Variants in PGD observed in about 807,000 individuals in gnomAD.
The protein encoded by PGD is 6-phosphogluconate dehydrogenase, decarboxylating.
In PGD, 21 loss-of-function variants were observed where a neutral mutation model predicts 60.4. That is an observed-to-expected ratio of 0.35 (90% CI 0.25 to 0.50). The LOEUF is 0.50. Ranked by LOEUF, PGD falls within the 20% of genes least tolerant of loss-of-function variation. PGD has a pLI of 0.98. For missense variants in PGD, 477 were observed against 613.1 expected, an observed-to-expected ratio of 0.78 and a Z score of 2.34; for synonymous variants, 230 against 235.9, an observed-to-expected ratio of 0.97 and a Z score of 0.23.
chr1:10,413,059 T>C lies in PGD; in HGVS notation c.655-3T>C, dbSNP rs527375275. 6.2e-7 allele frequency: 1 copy of C among 1,613,148 alleles called. No individual in the cohort carries two copies. The highest frequency in any genetic ancestry group is 1.1e-5 in the South Asian group (1 of 91,068). On this transcript the variant is annotated splice_polypyrimidine_tract_variant and splice_region_variant and intron_variant, in intron 7 of 12. Coordinates refer to ENST00000270776, the MANE Select transcript of PGD (RefSeq NM_002631.4). ...ATGGTTCTCTCCTGTGTTCTGCATGTAGGCCTTTGAGGATTGGAATAAGAC... is the reference window on the plus strand; with the variant it reads ...ATGGTTCTCTCCTGTGTTCTGCATGCAGGCCTTTGAGGATTGGAATAAGAC...
chr1:10,400,712 G>T, intron 3 of PGD, 140 bp downstream of exon 3: 1 of 653,180 alleles, frequency 1.5e-6, no homozygotes. Flanking sequence ...CTTAACTGTT[G>T]CAGTGTTGGT....
intron 7 of PGD, among the ~76,000 whole-genome samples, chr1:10,412,245 T>G (rs1639512442): frequency 6.6e-6 from 1 of 152,210 alleles, no homozygotes; most frequent in Non-Finnish European, 1.5e-5. Context: ...TCACCCGCCA[T>G]TTTTTGGAGG....
intron 8 of PGD, 88 bp downstream of exon 8, chr1:10,413,339 T>C (rs1224519500): frequency 1.7e-6 from 2 of 1,192,022 alleles, no homozygotes; most frequent in South Asian, 1.4e-5. Flanking sequence ...CTTTAGAGAA[T>C]CTCTTCAGCC....
chr1:10,410,844 TTATAAA>T lies in PGD; in HGVS notation c.520-550_520-545del, dbSNP rs564899684. On this transcript the variant is annotated intron_variant, in intron 6 of 12. Transcript: ENST00000270776. Reference sequence around the variant, plus strand: ...TTATAAATAAAGATCTGGTCTTTATTTATAAATATAAATATAAATATAAATATAATG... The same window carrying T: ...TTATAAATAAAGATCTGGTCTTTATTTATAAATATAAATATAAATATAATG... 5.7e-3 allele frequency among the ~76,000 whole-genome samples: 870 copies of T among 151,550 alleles called. 9 individuals carry two copies. Among genetic ancestry groups the T allele is most frequent in the African/African-American group, 0.018 (753 of 41,326 alleles).
rs1639654055 is a variant in PGD, at chr1:10,419,560, T to G, written c.1332+21T>G. On this transcript the variant is annotated intron_variant, in intron 12 of 12. Coordinates refer to ENST00000270776, the MANE Select transcript of PGD (RefSeq NM_002631.4). ...TCCAGGTAAGCCTGTGGAGCAGGGATTAACCTGGCTGGCCCCTCGGGGGCG... is the reference window on the plus strand; with the variant it reads ...TCCAGGTAAGCCTGTGGAGCAGGGAGTAACCTGGCTGGCCCCTCGGGGGCG... The G allele has an allele frequency of 7.4e-6, 12 of 1,614,070 alleles. No individual in the cohort carries two copies. The East Asian group carries it at 2.7e-4, about 36-fold the overall frequency.
chr1:10,399,237 G>C (rs888493227), intron 1 of PGD, 112 bp downstream of exon 1: 6 of 1,255,522 alleles, frequency 4.8e-6, no homozygotes, highest in Non-Finnish European at 6.8e-6. Context: ...GGTCGCCTGA[G>C]CTCACTTGGG....
Position 10,399,668 on chromosome 1 carries a change from G to A in PGD, c.48G>A (p.Gln16=). 6.2e-7 allele frequency: 1 copy of A among 1,614,086 alleles called. No homozygotes were observed. The highest frequency in any genetic ancestry group is 8.5e-7 in the Non-Finnish European group (1 of 1,179,990). The change falls in exon 2 of 13, where the codon CAG becomes CAA. Residue 16 remains glutamine (Q), a synonymous_variant. Transcript: ENST00000270776. The part of the protein sequence containing the change: ...IALIGLAVMG[Q]NLILNMNDHG... ...TGATCGGATTGGCCGTCATGGGCCA[G>A]AACTTAATTCTGAACATGAATGACC... is the stretch of plus-strand genomic sequence containing the variant.
intron 6 of PGD, among the ~76,000 whole-genome samples, chr1:10,410,145 G>A (rs1338993189): frequency 6.6e-6 from 1 of 152,036 alleles, no homozygotes; most frequent in Non-Finnish European, 1.5e-5. Context: ...AAGTCAGCAG[G>A]GGCAGCAATA....
In PGD at chr1:10,419,398, C is replaced by T. The variant is rs781422168; in HGVS notation, c.1210-19C>T. ...CCAGGGGCAGATCACTAATCTCTGGCCGTGCGTTTTGTGCTCAGGACTCCT... is the reference window on the plus strand; with the variant it reads ...CCAGGGGCAGATCACTAATCTCTGGTCGTGCGTTTTGTGCTCAGGACTCCT... On this transcript the variant is annotated intron_variant, in intron 11 of 12. Transcript: ENST00000270776. 4 of 1,607,664 alleles carry T rather than the reference C, an allele frequency of 2.5e-6. No individual in the cohort carries two copies. The highest frequency in any genetic ancestry group is 1.1e-5 in the South Asian group (1 of 90,480).
intron 4 of PGD, 62 bp downstream of exon 4, chr1:10,403,198 C>A: frequency 8.7e-7 from 1 of 1,143,174 alleles, no homozygotes; most frequent in Non-Finnish European, 1.3e-6. Flanking sequence ...AAAGTGTCAG[C>A]ATCGCATATG....
chr1:10,405,944 G>A (rs1639397403), intron 5 of PGD, among the ~76,000 whole-genome samples: 1 of 152,086 alleles, frequency 6.6e-6, no homozygotes, highest in African/African-American at 2.4e-5. Context: ...AGCCCCACCT[G>A]CCAGGTTCAC....
At chr1:10,402,006 C>G (rs1639323367) in intron 3 of PGD, among the ~76,000 whole-genome samples, 1 of 151,866 alleles carries the variant, frequency 6.6e-6, no homozygotes, top group Non-Finnish European at 1.5e-5. Flanking sequence ...CAGTGCGAGA[C>G]TCCGTCTCAA....
At chr1:10,409,160 G>A (rs952562254) in intron 6 of PGD, among the ~76,000 whole-genome samples, 2 of 152,170 alleles carry the variant, frequency 1.3e-5, no homozygotes, top group Non-Finnish European at 1.5e-5. Context: ...CAATTTTAAT[G>A]TGAATTTTAT....
Position 10,420,389 on chromosome 1 carries a change from C to CTT in PGD, c.*663_*664dup, listed in dbSNP as rs70997229. ...CACTGTAACGTGCTTTTTCTTTCGT[C>CTT]TTTTTTTTTTTTTTTTTTTTTTTTG... On this transcript the variant is annotated 3_prime_UTR_variant, in exon 13 of 13. Coordinates refer to ENST00000270776, the MANE Select transcript of PGD (RefSeq NM_002631.4). Among the ~76,000 whole-genome samples the CTT allele has an allele frequency of 6.3e-4, 47 of 74,908 alleles. No homozygotes were observed. The highest frequency in any genetic ancestry group is 1.9e-3 in the South Asian group (3 of 1,610). 49.1% of individuals were successfully genotyped at this position (74,908 alleles called of 152,430 possible). A position where few individuals can be genotyped will look rare whatever the true frequency, so the allele number is the denominator to read the frequency against.
chr1:10,405,246 G>T (rs1021365261), intron 5 of PGD, among the ~76,000 whole-genome samples: 1 of 150,970 alleles, frequency 6.6e-6, no homozygotes, highest in Non-Finnish European at 1.5e-5. Context: ...GGTGGCGTGC[G>T]CCTGTAGTCC....
At chr1:10,399,779 C>G (rs1367131998) in intron 2 of PGD, 75 bp downstream of exon 2, 2 of 1,248,122 alleles carry the variant, frequency 1.6e-6, no homozygotes, top group Non-Finnish European at 2.4e-6. Context: ...GGTTTGGGAG[C>G]TTACGGGTCT....
intron 8 of PGD, among the ~76,000 whole-genome samples, chr1:10,414,360 G>T (rs573775267): frequency 1.3e-5 from 2 of 151,964 alleles, no homozygotes; most frequent in South Asian, 2.1e-4. Flanking sequence ...TCTTGGCCGG[G>T]GGGGTGGTTT....
chr1:10,402,549 G>A (rs971505775), intron 3 of PGD, among the ~76,000 whole-genome samples: 2 of 151,302 alleles, frequency 1.3e-5, no homozygotes, highest in South Asian at 2.1e-4. Flanking sequence ...TTGAGACGGG[G>A]TCTCACTCTG....
intron 4 of PGD, 54 bp from the exon 5 acceptor site, chr1:10,404,107 A>G: frequency 4.8e-6 from 6 of 1,251,162 alleles, no homozygotes; most frequent in East Asian, 2.4e-5. Flanking sequence ...ATAATGAAAC[A>G]TGGAAGCATA....
Sources: gnomAD v4.1 joint callset for allele counts (sites outside exome capture counted in the v4.1 genomes callset) on GRCh38, gnomAD v4.1.1 for gene constraint, MANE v1.5 for transcripts, NCBI Gene and HGNC (gene_info 2026-07-23, HGNC 2026-07-21) for gene names.